The following ACER3 variants were observed in gnomAD, a reference collection of about 807,000 sequenced individuals.
ACER3 encodes alkCDase 3.
A neutral mutation model predicts 48.9 loss-of-function variants in ACER3; 16 were observed. The observed-to-expected ratio is 0.33, with a 90% CI of 0.22 to 0.50. The LOEUF is 0.50. Among genes scored for constraint, ACER3 ranks in the 20% least tolerant of loss-of-function variants. ACER3 has a pLI of 0.98. For synonymous variants in ACER3, 109 were observed against 107.8 expected (o/e 1.01, Z -0.07); for missense variants, 227 against 326.0 (o/e 0.70, Z 2.34).
intron 1 of ACER3, among the ~76,000 whole-genome samples, chr11:76,915,138 G>A (rs1965151): frequency 0.59 from 89,928 of 151,482 alleles, 28,877 homozygotes; most frequent in Non-Finnish European, 0.73. Context: ...GTATACATAT[G>A]TAACAAACCT....
chr11:76,925,506 T>C (rs1462106562), intron 1 of ACER3, among the ~76,000 whole-genome samples: 1 of 152,246 alleles, frequency 6.6e-6, no homozygotes, highest in East Asian at 1.9e-4. Flanking sequence ...TCAAATTATC[T>C]ATCCTTTTCT....
chr11:76,881,184 G>A (rs1006754497), intron 1 of ACER3, among the ~76,000 whole-genome samples: 3 of 151,478 alleles, frequency 2.0e-5, no homozygotes, highest in African/African-American at 7.3e-5. Context: ...GAACCTGGGA[G>A]GTCAATGCTG....
intron 7 of ACER3, among the ~76,000 whole-genome samples, chr11:77,010,539 G>C (rs1312640701): frequency 2.0e-5 from 3 of 151,506 alleles, no homozygotes; most frequent in Non-Finnish European, 4.4e-5. Context: ...AGGAGACAGA[G>C]GCAGAGAATA....
At chr11:76,928,520 C>A (rs543648913) in intron 2 of ACER3, among the ~76,000 whole-genome samples, 1 of 152,280 alleles carries the variant, frequency 6.6e-6, no homozygotes, top group East Asian at 1.9e-4. Context: ...GTGTTTTAGA[C>A]ATGAAGTCCT....
At chr11:76,915,644 C>A (rs1946507080) in intron 1 of ACER3, among the ~76,000 whole-genome samples, 1 of 152,176 alleles carries the variant, frequency 6.6e-6, no homozygotes, top group South Asian at 2.1e-4. Context: ...AGTCCATTTT[C>A]ACACTTCTAT....
At chr11:76,941,012 AACACACAC>A (rs370121849) in intron 2 of ACER3, among the ~76,000 whole-genome samples, 6 of 146,200 alleles carry the variant, frequency 4.1e-5, no homozygotes, top group African/African-American at 7.7e-5. Flanking sequence ...TGTGTGTATA[AACACACAC>A]ACACACACAC....
intron 1 of ACER3, 28 bp downstream of exon 1, chr11:76,861,107 G>A (rs1221281905): frequency 6.5e-7 from 1 of 1,526,794 alleles, no homozygotes; most frequent in Non-Finnish European, 8.8e-7. Context: ...AGGGGAGTGG[G>A]GGCGAGAGGG....
intron 1 of ACER3, among the ~76,000 whole-genome samples, chr11:76,884,283 A>G (rs1402997156): frequency 6.6e-6 from 1 of 152,108 alleles, no homozygotes; most frequent in African/African-American, 2.4e-5. Context: ...TACTTCCTCC[A>G]GAAAGCTGAG....
chr11:76,912,677 C>T (rs756400673), intron 1 of ACER3, among the ~76,000 whole-genome samples: 14 of 151,076 alleles, frequency 9.3e-5, no homozygotes, highest in African/African-American at 2.2e-4. Flanking sequence ...GTGGAGGCAG[C>T]GCAGTCGTCA....
At chr11:76,909,527 C>G (rs1419848480) in intron 1 of ACER3, among the ~76,000 whole-genome samples, 1 of 152,186 alleles carries the variant, frequency 6.6e-6, no homozygotes, top group Non-Finnish European at 1.5e-5. Context: ...AAAAGCTAAT[C>G]ATCACCGGTC....
At chr11:76,933,613 C>T (rs1438655448) in intron 2 of ACER3, among the ~76,000 whole-genome samples, 2 of 152,026 alleles carry the variant, frequency 1.3e-5, no homozygotes, top group Non-Finnish European at 2.9e-5. Flanking sequence ...GGTCATAGAT[C>T]AACAGGATCC....
chr11:76,915,102 G>A (rs1946488941), intron 1 of ACER3, among the ~76,000 whole-genome samples: 1 of 152,014 alleles, frequency 6.6e-6, no homozygotes, highest in South Asian at 2.1e-4. Context: ...ACGAGTTAAT[G>A]GGTGCAGCAC....
At position 76,949,375 on chromosome 11, in the gene ACER3, A is replaced by G. The variant is rs181715621; in HGVS notation, c.215-9604A>G. 7.2e-5 allele frequency among the ~76,000 whole-genome samples: 11 copies of G among 152,280 alleles called. No individual in the cohort carries two copies. In the East Asian group the frequency reaches 1.5e-3, roughly 21 times the overall value. On this transcript the variant is annotated intron_variant, in intron 2 of 10. Coordinates refer to ENST00000532485, the MANE Select transcript of ACER3 (RefSeq NM_018367.7). ...TTGTGGAGTGTGCTGGATAATTTCT[A>G]CAGATATGAATTTTATATTAACTTT... is the stretch of plus-strand genomic sequence containing the variant.
chr11:77,000,998 G>A (rs1555019671), intron 7 of ACER3, among the ~76,000 whole-genome samples: 1 of 152,098 alleles, frequency 6.6e-6, no homozygotes, highest in Admixed American at 6.5e-5. Flanking sequence ...ATATCAATTT[G>A]CAGAGCTGAC....
intron 1 of ACER3, among the ~76,000 whole-genome samples, chr11:76,876,142 A>G (rs1945373775): frequency 6.6e-6 from 1 of 152,142 alleles, no homozygotes. Context: ...TGAGAAATGC[A>G]TACACCTATG....
intron 2 of ACER3, among the ~76,000 whole-genome samples, chr11:76,932,629 G>C (rs1309174068): frequency 6.6e-6 from 1 of 152,272 alleles, no homozygotes; most frequent in South Asian, 2.1e-4. Context: ...CTAAGCTGGA[G>C]TTTGTCCACT....
intron 1 of ACER3, among the ~76,000 whole-genome samples, chr11:76,918,932 T>G (rs1946609117): frequency 1.3e-5 from 2 of 152,088 alleles, no homozygotes; most frequent in African/African-American, 4.8e-5. Flanking sequence ...CTGGGAATGT[T>G]TAACATTATT....
chr11:76,965,995 T>A (rs1297759334), intron 3 of ACER3, among the ~76,000 whole-genome samples: 1 of 151,244 alleles, frequency 6.6e-6, no homozygotes, highest in East Asian at 1.9e-4. Context: ...AATGCTCCAA[T>A]TAAAAGACAC....
chr11:76,959,263 A>G (rs1947923112), intron 3 of ACER3: 1 of 1,353,906 alleles, frequency 7.4e-7, no homozygotes, highest in Non-Finnish European at 9.5e-7. Context: ...CTGTGCGGGC[A>G]TATAAAATTG....
Sources: gnomAD v4.1 joint callset for allele counts (sites outside exome capture counted in the v4.1 genomes callset) on GRCh38, gnomAD v4.1.1 for gene constraint, MANE v1.5 for transcripts, NCBI Gene and HGNC (gene_info 2026-07-23, HGNC 2026-07-21) for gene names.